METTL15: variants seen among roughly 807,000 people sequenced by gnomAD.
METTL15 encodes the protein 12S rRNA N(4)-cytidine methyltransferase METTL15.
A neutral mutation model predicts 38.3 loss-of-function variants in METTL15; 34 were observed. The observed-to-expected ratio is 0.89, with a 90% confidence interval of 0.68 to 1.18. METTL15 has a LOEUF of 1.18. Ranked by LOEUF, METTL15 falls within the 50% of genes most tolerant of loss-of-function variation. The pLI, the probability that METTL15 is intolerant of heterozygous loss-of-function variation, is 0.00. For synonymous variants in METTL15, 162 were observed against 170.9 expected (o/e 0.95, Z 0.41); for missense variants, 438 against 498.4 (o/e 0.88, Z 1.15).
intron 4 of METTL15, among the ~76,000 whole-genome samples, chr11:28,217,355 G>A (rs1021133983): frequency 2.6e-5 from 4 of 152,212 alleles, no homozygotes; most frequent in South Asian, 2.1e-4. Context: ...CTGCATAAAT[G>A]TCTTCTTTTG....
chr11:28,351,850 C>A (rs536244397), intron 3 of METTL15, among the ~76,000 whole-genome samples: 20 of 152,298 alleles, frequency 1.3e-4, no homozygotes, highest in African/African-American at 4.8e-4. Flanking sequence ...CCAAAGGTTG[C>A]AAGAGACTGT....
At chr11:28,120,939 T>TGA (rs1173077318) in intron 3 of METTL15, among the ~76,000 whole-genome samples, 2 of 152,218 alleles carry the variant, frequency 1.3e-5, no homozygotes, top group African/African-American at 4.8e-5. Context: ...ACATGAGCTG[T>TGA]CTCAACACAG....
chr11:28,210,995 TGA>T, intron 3 of METTL15, 65 bp from the exon 4 acceptor site: 1 of 1,465,954 alleles, frequency 6.8e-7, no homozygotes, highest in Non-Finnish European at 9.2e-7. Context: ...TTCTAGAAAT[TGA>T]GATAGTTGTC....
intron 6 of METTL15, among the ~76,000 whole-genome samples, chr11:28,462,047 CA>C (rs1299877190): frequency 2.6e-5 from 4 of 152,004 alleles, no homozygotes; most frequent in African/African-American, 9.7e-5. Flanking sequence ...TTCCTGGAAG[CA>C]TTGAACAATG....
At chr11:28,384,849 A>G (rs1850424533) in intron 5 of METTL15, among the ~76,000 whole-genome samples, 1 of 151,858 alleles carries the variant, frequency 6.6e-6, no homozygotes, top group Non-Finnish European at 1.5e-5. Flanking sequence ...TGGGTGAGAG[A>G]TGTTATGTCA....
intron 6 of METTL15, among the ~76,000 whole-genome samples, chr11:28,438,442 A>G (rs938780494): frequency 6.6e-5 from 10 of 151,796 alleles, no homozygotes; most frequent in East Asian, 3.9e-4. Context: ...AATATTTTCT[A>G]TTTTCTCTCT....
At chr11:28,423,840 T>C (rs1338188693) in intron 5 of METTL15, among the ~76,000 whole-genome samples, 1 of 150,922 alleles carries the variant, frequency 6.6e-6, no homozygotes, top group East Asian at 1.9e-4. Flanking sequence ...TACATTTTAA[T>C]ATAACTAAAA....
intron 6 of METTL15, among the ~76,000 whole-genome samples, chr11:28,439,023 C>CAAA (rs10713896): frequency 1.3e-5 from 2 of 149,592 alleles, no homozygotes; most frequent in African/African-American, 4.9e-5. Context: ...GTGAAGAATG[C>CAAA]AAAAAAAAAA....
chr11:28,370,128 G>A (rs1158338551), intron 5 of METTL15, among the ~76,000 whole-genome samples: 1 of 152,056 alleles, frequency 6.6e-6, no homozygotes, highest in Non-Finnish European at 1.5e-5. Flanking sequence ...ACTGTAAACT[G>A]TAGTTACATA....
At chr11:28,221,493 G>A (rs1590180870) in intron 4 of METTL15, among the ~76,000 whole-genome samples, 1 of 151,898 alleles carries the variant, frequency 6.6e-6, no homozygotes, top group Non-Finnish European at 1.5e-5. Flanking sequence ...TAACTTCTTT[G>A]CCATGGGTTT....
chr11:28,401,548 TC>T (rs1850630889), intron 5 of METTL15, among the ~76,000 whole-genome samples: 1 of 151,962 alleles, frequency 6.6e-6, no homozygotes, highest in Non-Finnish European at 1.5e-5. Flanking sequence ...ACTTTTTTAA[TC>T]CTTCTTCTTT....
intron 6 of METTL15, among the ~76,000 whole-genome samples, chr11:28,429,999 C>G (rs916342444): frequency 4.5e-5 from 6 of 133,934 alleles, no homozygotes; most frequent in Non-Finnish European, 9.7e-5. Flanking sequence ...GGGAGCGCCT[C>G]TGCCCCGCCG....
At chr11:28,114,953 C>G (rs1226023302) in intron 3 of METTL15, among the ~76,000 whole-genome samples, 1 of 152,170 alleles carries the variant, frequency 6.6e-6, no homozygotes, top group Non-Finnish European at 1.5e-5. Context: ...TCCAGTAGAG[C>G]TTCTTGAGAA....
At chr11:28,530,492 G>A (rs549864127), downstream of METTL15, among the ~76,000 whole-genome samples, 1 of 152,218 alleles carries the variant, frequency 6.6e-6, no homozygotes, top group Non-Finnish European at 1.5e-5. Flanking sequence ...ATGGGCAGCG[G>A]TGTGCTGATA....
At chr11:28,176,466 C>G (rs1386192127) in intron 3 of METTL15, among the ~76,000 whole-genome samples, 2 of 152,180 alleles carry the variant, frequency 1.3e-5, no homozygotes, top group Non-Finnish European at 2.9e-5. Flanking sequence ...GCATGTTACT[C>G]TACTCCTCTG....
At chr11:28,164,068 C>T (rs951739369) in intron 3 of METTL15, 1 of 151,956 alleles carries the variant, frequency 6.6e-6, no homozygotes, top group African/African-American at 2.4e-5. Context: ...ACATGTATAG[C>T]TCTTTAAATA....
intron 6 of METTL15, among the ~76,000 whole-genome samples, chr11:28,449,823 G>A (rs1217003520): frequency 6.6e-6 from 1 of 152,162 alleles, no homozygotes; most frequent in African/African-American, 2.4e-5. Context: ...GGATGAAAAG[G>A]GAGAAGAGCC....
rs753752667 is a variant in METTL15 at position 28,490,658 on chromosome 11, GA to G, written c.*425-35818del. On this transcript the variant is annotated intron_variant and NMD_transcript_variant, in intron 6 of 7. Transcript: ENST00000532947. ...AGGGTCGAGCACCACTAATTTAATT[GA>G]ATACATTTTGAGAGGAAAACCTCAG... is the stretch of plus-strand genomic sequence containing the variant. Among the ~76,000 whole-genome samples the G allele has an allele frequency of 4.6e-5, 7 of 152,092 alleles. No homozygotes were observed. In the South Asian group the frequency reaches 1.2e-3, roughly 27 times the overall value.
At chr11:28,368,097 G>A in intron 5 of METTL15, among the ~76,000 whole-genome samples, 2 of 63,654 alleles carry the variant, frequency 3.1e-5, no homozygotes, top group South Asian at 5.6e-4. Flanking sequence ...AGACAAATGG[G>A]ATCTAATTAA....
Sources: allele counts gnomAD v4.1 joint callset (sites outside exome capture counted in the v4.1 genomes callset), GRCh38; gene constraint gnomAD v4.1.1; transcripts MANE v1.5; gene names NCBI Gene and HGNC (gene_info 2026-07-23, HGNC 2026-07-21).